KIF25: variants seen among roughly 807,000 people sequenced by gnomAD.
The protein encoded by KIF25 is kinesin-like protein KIF25.
KIF25 carries 19 observed loss-of-function variants against 32.9 expected under a neutral mutation model. The observed-to-expected ratio is 0.58, with a 90% CI of 0.40 to 0.85. KIF25 has a LOEUF of 0.85. Among genes scored for constraint, KIF25 ranks in the 40% least tolerant of loss-of-function variants. The pLI is 0.00. For missense variants in KIF25, 485 were observed against 507.0 expected, an observed-to-expected ratio of 0.96 and a Z score of 0.42; for synonymous variants, 225 against 213.7, an observed-to-expected ratio of 1.05 and a Z score of -0.46.
At chr6:168,018,582 G>A (rs1256007090) in intron 5 of KIF25, among the ~76,000 whole-genome samples, 3 of 152,128 alleles carry the variant, frequency 2.0e-5, no homozygotes, top group Admixed American at 1.3e-4. Context: ...TAGTAATTTC[G>A]TTGTGATGAT....
rs767982955 is a variant in KIF25 at position 168,045,041 on chromosome 6, G to T, written c.*45G>T. On this transcript the variant is annotated 3_prime_UTR_variant, in exon 13 of 13. Coordinates refer to ENST00000643607, the MANE Select transcript of KIF25 (RefSeq NM_030615.4). ...TCCTAAAACTGTGTTTCTTGTCCTTGCTTTATAATGCATATGTGCTTAGAA... is the reference window on the plus strand; with the variant it reads ...TCCTAAAACTGTGTTTCTTGTCCTTTCTTTATAATGCATATGTGCTTAGAA... The T allele has an allele frequency of 1.3e-6, 2 of 1,528,212 alleles. No individual in the cohort carries two copies. The highest frequency in any genetic ancestry group is 1.8e-6 in the Non-Finnish European group (2 of 1,126,912). The allele number at this position is 1,528,212 out of a possible 1,614,324, so 94.7% of individuals were successfully genotyped here.
Position 168,002,599 on chromosome 6 carries a change from T to C in KIF25, c.-313T>C, listed in dbSNP as rs1798522991. ...TGAAGGGGAGAACCTGATGAGCTTG[T>C]CTTCTAGATCAGTGGTCCCCAACCT... On this transcript the variant is annotated 5_prime_UTR_variant, in exon 3 of 13. Transcript: ENST00000643607. The C allele has an allele frequency of 6.6e-6, 1 of 152,220 alleles. No individual in the cohort carries two copies. 9.4% of individuals were successfully genotyped at this position (152,220 alleles called of 1,614,324 possible).
At chr6:168,030,907 C>A in intron 7 of KIF25, 60 bp downstream of exon 7, 1 of 1,342,510 alleles carries the variant, frequency 7.4e-7, no homozygotes, top group Non-Finnish European at 1.1e-6. Context: ...AAAGAAGCTT[C>A]ACTGTGCTGT....
At chr6:168,010,094 T>G (rs1228039722) in intron 4 of KIF25, among the ~76,000 whole-genome samples, 1 of 151,980 alleles carries the variant, frequency 6.6e-6, no homozygotes, top group African/African-American at 2.4e-5. Flanking sequence ...TTTCTTCTAT[T>G]AATTATGGGT....
intron 2 of KIF25, among the ~76,000 whole-genome samples, chr6:168,000,002 C>T (rs1311028646): frequency 3.5e-5 from 2 of 57,600 alleles, no homozygotes; most frequent in South Asian, 1.7e-3. Context: ...CCATCCTGAC[C>T]ACACCTGACC....
intron 5 of KIF25, among the ~76,000 whole-genome samples, chr6:168,024,793 G>C (rs1798837416): frequency 1.3e-5 from 2 of 152,078 alleles, no homozygotes; most frequent in African/African-American, 4.8e-5. Context: ...GCTCACGCCT[G>C]TAATCCCAGC....
In KIF25 at chr6:168,028,647, T is replaced by TG. The variant is rs377539313; in HGVS notation, c.-94-838dup. ...AAACCTGACAGCATATATAGTATTT[T>TG]GGGGGGGATTGAGGTAAGTTTATAA... On this transcript the variant is annotated intron_variant, in intron 5 of 12. Transcript: ENST00000643607. 2.9e-3 allele frequency among the ~76,000 whole-genome samples: 444 copies of TG among 152,286 alleles called. 2 individuals are homozygous for TG. The highest frequency in any genetic ancestry group is 9.8e-3 in the African/African-American group (409 of 41,558).
In KIF25 at chr6:168,011,395, T is replaced by C. The variant is rs535417445; in HGVS notation, c.-162-6578T>C. 2.0e-5 allele frequency among the ~76,000 whole-genome samples: 3 copies of C among 152,332 alleles called. No individual in the cohort carries two copies. The South Asian group carries it at 6.2e-4, about 32-fold the overall frequency. On this transcript the variant is annotated intron_variant, in intron 4 of 12. Coordinates refer to ENST00000643607, the MANE Select transcript of KIF25 (RefSeq NM_030615.4). ...GTAAGTCCCGTCTTGTGGTAATGAATTCTTTTAGTTTTTACTTGTCTGTGA... is the reference window on the plus strand; with the variant it reads ...GTAAGTCCCGTCTTGTGGTAATGAACTCTTTTAGTTTTTACTTGTCTGTGA...
chr6:168,033,843 A>C (rs371715547), intron 7 of KIF25, 39 bp from the exon 8 acceptor site: 1 of 1,587,004 alleles, frequency 6.3e-7, no homozygotes, highest in East Asian at 2.3e-5. Context: ...CTTGGCACCC[A>C]CGTGTGTTTT....
chr6:168,038,004 G>A (rs1414147728), intron 8 of KIF25, among the ~76,000 whole-genome samples: 1 of 152,100 alleles, frequency 6.6e-6, no homozygotes, highest in Non-Finnish European at 1.5e-5. Context: ...GTGAGCCACC[G>A]TGCCTGGCTG....
At chr6:168,001,849 C>T (rs1174144679) in intron 2 of KIF25, among the ~76,000 whole-genome samples, 3 of 68,852 alleles carry the variant, frequency 4.4e-5, no homozygotes, top group African/African-American at 1.4e-4. Flanking sequence ...CACCTTCAGG[C>T]GTAGCCTCGG....
chr6:168,031,177 T>A (rs965149857), intron 7 of KIF25, among the ~76,000 whole-genome samples: 9 of 152,120 alleles, frequency 5.9e-5, no homozygotes, highest in Non-Finnish European at 8.8e-5. Flanking sequence ...TTTCAGAATT[T>A]AAAAAAAATC....
At chr6:168,003,560 T>G (rs1798534828) in intron 3 of KIF25, 54 bp from the exon 4 acceptor site, 1 of 152,138 alleles carries the variant, frequency 6.6e-6, no homozygotes, top group South Asian at 2.1e-4. Context: ...TGTTAGGAAT[T>G]CAGAAAGCAA....
In KIF25 at chr6:168,042,692, A is replaced by T; in HGVS notation, c.961A>T (p.Thr321Ser). 1 of 1,612,648 alleles carries T rather than the reference A, an allele frequency of 6.2e-7. No individual in the cohort carries two copies. The highest frequency in any genetic ancestry group is 8.5e-7 in the Non-Finnish European group (1 of 1,179,866). The change falls in exon 12 of 13, where the codon ACC (threonine) becomes TCC (serine). Residue 321 changes from threonine to serine, a missense_variant. This residue lies in a region of KIF25 where 480 missense variants were observed against 470.3 expected (regional missense o/e 1.02). Transcript: ENST00000643607. ...TGCCCCGTACCGGAACAGCAGGCTC[A>T]CCCACCTCCTTCAGGACTGCCTCGG... Reference protein sequence around the residue: ...GHAPYRNSRLTHLLQDCLGGD... With the variant: ...GHAPYRNSRLSHLLQDCLGGD...
At chr6:168,027,685 G>A (rs1044976714) in intron 5 of KIF25, among the ~76,000 whole-genome samples, 4 of 152,240 alleles carry the variant, frequency 2.6e-5, no homozygotes, top group East Asian at 1.9e-4. Context: ...CCGGACAGCC[G>A]CGTGGGCAAG....
rs749370171 is a variant in KIF25 at position 168,040,040 on chromosome 6, T to A, written c.495-25T>A. 3 of 1,600,376 alleles carry A rather than the reference T, an allele frequency of 1.9e-6. No homozygotes were observed. The South Asian group carries it at 3.3e-5, about 18-fold the overall frequency. ...GTAAGGGGGGCCGCCCTCACTGTGT[T>A]CCCCACTGCTTGCCTTGTCTGTAGG... On this transcript the variant is annotated intron_variant, in intron 9 of 12. Transcript: ENST00000643607.
intron 8 of KIF25, among the ~76,000 whole-genome samples, chr6:168,036,597 A>G (rs1799029338): frequency 6.6e-6 from 1 of 152,236 alleles, no homozygotes; most frequent in South Asian, 2.1e-4. Context: ...TACTTGTGGG[A>G]AATCTCTCAA....
At chr6:168,021,190 T>C (rs1326311212) in intron 5 of KIF25, among the ~76,000 whole-genome samples, 1 of 152,192 alleles carries the variant, frequency 6.6e-6, no homozygotes, top group African/African-American at 2.4e-5. Flanking sequence ...ACTTTAATAG[T>C]TTTACTCTTT....
intron 7 of KIF25, 113 bp from the exon 8 acceptor site, chr6:168,033,769 A>C (rs773567886): frequency 1.5e-5 from 17 of 1,102,344 alleles, no homozygotes; most frequent in Non-Finnish European, 2.2e-5. Flanking sequence ...ATGGAGTAAC[A>C]GGAGAATAGG....
Sources: gnomAD v4.1 joint callset for allele counts (sites outside exome capture counted in the v4.1 genomes callset) on GRCh38, gnomAD v4.1.1 for gene constraint, gnomAD v4.1.1 regional missense constraint, MANE v1.5 for transcripts, NCBI Gene and HGNC (gene_info 2026-07-23, HGNC 2026-07-21) for gene names.